PDE4C: variants seen among roughly 807,000 people sequenced by gnomAD.
PDE4C encodes phosphodiesterase 4C.
Under a neutral mutation model 63.9 loss-of-function variants are expected in PDE4C, and 50 were observed. The ratio of observed to expected loss-of-function variants is 0.78; its 90% CI spans 0.62 to 0.99. The LOEUF is 0.99. Among genes scored for constraint, PDE4C ranks in the 50% least tolerant of loss-of-function variants. The probability of loss-of-function intolerance (pLI) is 0.00; values close to 1 mark genes in which losing one functional copy is unlikely to be tolerated. For missense variants in PDE4C, 777 were observed against 899.1 expected (o/e 0.86, Z 1.74); for synonymous variants, 377 against 385.1 (o/e 0.98, Z 0.25).
upstream of PDE4C, among the ~76,000 whole-genome samples, chr19:18,230,269 G>A (rs1431419523): frequency 6.6e-6 from 1 of 152,226 alleles, no homozygotes. Flanking sequence ...ACTCTGGGAG[G>A]CCACGGTATG....
intron 1 of PDE4C, among the ~76,000 whole-genome samples, chr19:18,243,228 G>A (rs1222297570): frequency 6.6e-6 from 1 of 152,032 alleles, no homozygotes; most frequent in Admixed American, 6.6e-5. Flanking sequence ...TCCTGCCTCA[G>A]CCTCCCGAGT....
At chr19:18,229,360 C>T (rs1019808368), upstream of PDE4C, among the ~76,000 whole-genome samples, 3 of 152,160 alleles carry the variant, frequency 2.0e-5, no homozygotes, top group African/African-American at 7.2e-5. Flanking sequence ...CCTGCCTCAA[C>T]CTCCCAAGTA....
intron 13 of PDE4C, among the ~76,000 whole-genome samples, chr19:18,212,390 G>T (rs890256764): frequency 2.0e-5 from 3 of 151,544 alleles, no homozygotes; most frequent in African/African-American, 7.3e-5. Flanking sequence ...GCCCAGGCTG[G>T]TCTCAAACTC....
At chr19:18,223,456 C>T (rs1374496576) in intron 1 of PDE4C, among the ~76,000 whole-genome samples, 3 of 152,096 alleles carry the variant, frequency 2.0e-5, no homozygotes, top group African/African-American at 4.8e-5. Flanking sequence ...GTGATCCGCC[C>T]GCCTTGGCCT....
rs1266815253 is a variant in PDE4C at position 18,226,406 on chromosome 19, G to A, written c.10C>T (p.Pro4Ser). ...CCGGGGACCGGGGCGGGCGCGGGGG[G>A]GCCCTGCATCGCCAGGACTGCGTGG... Residue 4 changes from proline to serine, a missense_variant, in exon 1 of 15, where the codon CCC becomes TCC. By Grantham distance (74) the Pro-to-Ser change is moderately conservative. Coordinates refer to ENST00000262805, the Ensembl canonical transcript of PDE4C. 8 of 1,439,082 alleles carry A rather than the reference G, an allele frequency of 5.6e-6. No individual in the cohort carries two copies. The Admixed American group carries it at 1.1e-4, about 20-fold the overall frequency. The allele number at this position is 1,439,082 out of a possible 1,614,324, so 89.1% of individuals were successfully genotyped here. A position where few individuals can be genotyped will look rare whatever the true frequency, so the allele number is the denominator to read the frequency against.
upstream of PDE4C, among the ~76,000 whole-genome samples, chr19:18,249,326 G>A (rs570163250): frequency 2.0e-5 from 3 of 152,216 alleles, no homozygotes; most frequent in South Asian, 6.2e-4. Flanking sequence ...CCAGACTAGA[G>A]TGCAGTGGTG....
At chr19:18,236,984 C>T (rs972780795), upstream of PDE4C, 7 of 152,824 alleles carry the variant, frequency 4.6e-5, no homozygotes, top group South Asian at 2.1e-4. Flanking sequence ...ATGGGGTACC[C>T]GAGAAGCCTC....
intron 1 of PDE4C, among the ~76,000 whole-genome samples, chr19:18,246,902 G>C (rs1206385034): frequency 6.6e-6 from 1 of 152,162 alleles, no homozygotes; most frequent in African/African-American, 2.4e-5. Context: ...ACTCCAGCCT[G>C]GGCGACAGAG....
intron 7 of PDE4C, 89 bp from the exon 8 acceptor site, chr19:18,219,486 T>A: frequency 7.1e-7 from 1 of 1,409,912 alleles, no homozygotes; most frequent in African/African-American, 1.4e-5. Flanking sequence ...AACCCCAGAA[T>A]CAACCTATTT....
At chr19:18,255,161 G>A in the PDE4C span, 8,122 of 398,190 alleles carry the variant, frequency 0.02, 551 homozygotes, top group African/African-American at 0.15. The surrounding 1 kb of genome is among the most constrained non-coding windows in gnomAD (Gnocchi z 4.6). Context: ...ACTGGGCTGT[G>A]CGTCCCCCAC....
In PDE4C at chr19:18,220,680, A is replaced by G. The variant is rs754383348; in HGVS notation, c.500-165T>C. ...CTGTTCCCCGAGTGCCTGTGTGACC[A>G]TGAGATCTCTGGGCCTCAGCCTCCT... On this transcript the variant is annotated intron_variant, in intron 5 of 14. Transcript: ENST00000262805. This position sits in a 1 kb window ranked among gnomAD's most constrained non-coding sequence, Gnocchi z 5.1. The G allele has an allele frequency of 1.5e-5, 12 of 781,418 alleles. No individual in the cohort carries two copies. The South Asian group carries it at 1.9e-4, about 12-fold the overall frequency. 48.4% of individuals were successfully genotyped at this position (781,418 alleles called of 1,614,324 possible).
At chr19:18,237,965 G>T (rs898060913), upstream of PDE4C, among the ~76,000 whole-genome samples, 3 of 151,818 alleles carry the variant, frequency 2.0e-5, no homozygotes, top group African/African-American at 7.3e-5. Flanking sequence ...AGTAGGGCAC[G>T]GTGGCTCATG....
intron 1 of PDE4C, among the ~76,000 whole-genome samples, chr19:18,238,988 C>T (rs192645774): frequency 2.1e-5 from 3 of 144,184 alleles, no homozygotes; most frequent in Admixed American, 6.9e-5. Context: ...AAGACCCTGT[C>T]TCAAAAAAAA....
intron 1 of PDE4C, among the ~76,000 whole-genome samples, chr19:18,244,919 T>C (rs565951027): frequency 6.6e-6 from 1 of 152,110 alleles, no homozygotes; most frequent in South Asian, 2.1e-4. Flanking sequence ...CACTGCAACC[T>C]CTGCCTCCCA....
chr19:18,226,541 T>C, upstream of PDE4C: 1 of 584,616 alleles, frequency 1.7e-6, no homozygotes, highest in Non-Finnish European at 2.5e-6. Context: ...GGCCGGCGGC[T>C]CCCTGACGAC....
exon 15 of PDE4C, chr19:18,210,836 G>A: frequency 6.6e-7 from 1 of 1,504,668 alleles, no homozygotes; most frequent in Admixed American, 2.3e-5. Context: ...AAGTGAAGCA[G>A]GAGCCACATG....
chr19:18,218,942 G>A lies in PDE4C; in HGVS notation c.967C>T (p.Gln323Ter). The stretch of plus-strand genomic sequence containing the variant: ...GAAGCCAAGGGCAGGGTAGGTACCT[G>A]AAAAATGCTGAATATGATAGCTGTG... Residue 323 changes from glutamine to a stop codon, truncating the protein, a stop_gained and splice_region_variant, in exon 9 of 15, where the codon CAG becomes TAG. Coordinates refer to ENST00000262805, the Ensembl canonical transcript of PDE4C. LOFTEE classifies it high-confidence loss of function. The A allele has an allele frequency of 6.2e-7, 1 of 1,611,788 alleles. No homozygotes were observed. Among genetic ancestry groups the A allele is most frequent in the Non-Finnish European group, 8.5e-7 (1 of 1,178,036 alleles).
At chr19:18,247,521 C>G (rs1969152741) in intron 1 of PDE4C, among the ~76,000 whole-genome samples, 1 of 152,156 alleles carries the variant, frequency 6.6e-6, no homozygotes, top group South Asian at 2.1e-4. Context: ...GTCTTGAACT[C>G]CTGACCTCAA....
At chr19:18,221,422 T>C in intron 2 of PDE4C, 125 bp from the exon 3 acceptor site, 4 of 936,346 alleles carry the variant, frequency 4.3e-6, no homozygotes, top group East Asian at 2.8e-5. Flanking sequence ...TCTTAGTCCC[T>C]GGGGTCCCCT....
Sources: allele counts gnomAD v4.1 joint callset (sites outside exome capture counted in the v4.1 genomes callset), GRCh38; gene constraint gnomAD v4.1.1; non-coding constraint Gnocchi (gnomAD v3.1); transcripts MANE v1.5; gene names NCBI Gene and HGNC (gene_info 2026-07-23, HGNC 2026-07-21).